CD244: variants seen among roughly 807,000 people sequenced by gnomAD.
The protein encoded by CD244 is natural killer cell receptor 2B4.
In CD244, 20 loss-of-function variants were observed where a neutral mutation model predicts 45.5. The observed-to-expected ratio is 0.44, with a 90% confidence interval of 0.31 to 0.64. The LOEUF (loss-of-function observed/expected upper bound fraction) is 0.64. CD244 is among the 30% of genes least tolerant of loss of function. The pLI is 0.08. For synonymous variants in CD244, 185 were observed against 160.5 expected (o/e 1.15, Z -1.15); for missense variants, 407 against 426.9 (o/e 0.95, Z 0.41).
Position 160,830,771 on chromosome 1 carries a change from G to A in CD244, c.*576C>T, listed in dbSNP as rs1436610760. On this transcript the variant is annotated 3_prime_UTR_variant, in exon 9 of 9. Transcript: ENST00000368034. ...GCCAACTGGCCAGAGGTAAAGGTAT[G>A]AGATGCAGGGAGAAAGTTTTTTCTC... The A allele has an allele frequency of 6.5e-6, 1 of 153,340 alleles. No individual in the cohort carries two copies. 9.5% of individuals were successfully genotyped at this position (153,340 alleles called of 1,614,324 possible).
intron 1 of CD244, among the ~76,000 whole-genome samples, chr1:160,852,132 G>T (rs924591862): frequency 6.6e-6 from 1 of 152,152 alleles, no homozygotes; most frequent in Non-Finnish European, 1.5e-5. Context: ...AAAAGCAACA[G>T]ACTTGGGCAG....
chr1:160,849,811 G>A (rs1025884616), intron 1 of CD244, among the ~76,000 whole-genome samples: 4 of 152,106 alleles, frequency 2.6e-5, no homozygotes, highest in African/African-American at 4.8e-5. Flanking sequence ...TCAGGAGTTC[G>A]AGACCAGCCT....
At chr1:160,857,329 G>A (rs981345758) in intron 1 of CD244, among the ~76,000 whole-genome samples, 9 of 152,116 alleles carry the variant, frequency 5.9e-5, no homozygotes, top group Admixed American at 6.6e-5. Context: ...AGACATGCAT[G>A]CACAAAAGGC....
rs749719290 is a variant in CD244 at position 160,839,002 on chromosome 1, G to A, written c.703C>T (p.Leu235=). 6.2e-7 allele frequency: 1 copy of A among 1,614,074 alleles called. No individual in the cohort carries two copies. The highest frequency in any genetic ancestry group is 1.1e-5 in the South Asian group (1 of 91,066). The change falls in exon 4 of 9, where the codon CTG becomes TTG. Residue 235 remains leucine (L), a synonymous_variant. Coordinates refer to ENST00000368034, the MANE Select transcript of CD244 (RefSeq NM_016382.4). ...FLVIIVILSA[L]FLGTLACFCV... is the part of the protein sequence containing the mutation. Reference sequence around the variant, plus strand: ...AAGCAGGCAAGGGTGCCAAGGAACAGTGCGCTTAGAATCACGATGATCACC... The same window carrying A: ...AAGCAGGCAAGGGTGCCAAGGAACAATGCGCTTAGAATCACGATGATCACC...
At chr1:160,860,176 C>A (rs1447319780) in intron 1 of CD244, among the ~76,000 whole-genome samples, 1 of 151,976 alleles carries the variant, frequency 6.6e-6, no homozygotes. Flanking sequence ...CCACTGTACT[C>A]CAGCCCAGGC....
At chr1:160,831,480 C>T (rs1669113469) in intron 8 of CD244, 53 bp from the exon 9 acceptor site, 1 of 1,270,726 alleles carries the variant, frequency 7.9e-7, no homozygotes, top group Non-Finnish European at 1.1e-6. Flanking sequence ...GTCCTTATCA[C>T]AATCCTGTGA....
chr1:160,830,468 G>A lies in CD244; in HGVS notation c.*879C>T, dbSNP rs902576227. ...TCATTCTCAGCCCTCAGCTGCCTGA[G>A]CCCTCCCTTCAATGTGCATCCTGGG... On this transcript the variant is annotated 3_prime_UTR_variant, in exon 9 of 9. Transcript: ENST00000368034. 8 of 152,338 alleles carry A rather than the reference G, an allele frequency of 5.3e-5. No individual in the cohort carries two copies. Among genetic ancestry groups the A allele is most frequent in the African/African-American group, 1.4e-4 (6 of 41,426 alleles). 9.4% of individuals were successfully genotyped at this position (152,338 alleles called of 1,614,324 possible).
chr1:160,849,905 G>A (rs748245774), intron 1 of CD244, among the ~76,000 whole-genome samples: 15 of 152,030 alleles, frequency 9.9e-5, no homozygotes, highest in Non-Finnish European at 1.8e-4. Flanking sequence ...CCAGCTACTC[G>A]GGAGGCTGAG....
chr1:160,844,300 G>A (rs1387991313), intron 1 of CD244, among the ~76,000 whole-genome samples: 1 of 152,198 alleles, frequency 6.6e-6, no homozygotes, highest in Non-Finnish European at 1.5e-5. Flanking sequence ...ACATAATAGA[G>A]TTGTCAGTCA....
intron 1 of CD244, among the ~76,000 whole-genome samples, chr1:160,856,250 C>T (rs1191234359): frequency 1.3e-5 from 2 of 152,166 alleles, no homozygotes; most frequent in African/African-American, 4.8e-5. Flanking sequence ...TTCTTCCTCT[C>T]TATTTAGCTT....
At chr1:160,833,644 A>C (rs1348105331) in intron 7 of CD244, among the ~76,000 whole-genome samples, 1 of 152,180 alleles carries the variant, frequency 6.6e-6, no homozygotes, top group Non-Finnish European at 1.5e-5. Flanking sequence ...GTGTCTCTCT[A>C]GATCCAGTCT....
At chr1:160,837,586 G>A (rs1227045869) in intron 5 of CD244, among the ~76,000 whole-genome samples, 1 of 152,200 alleles carries the variant, frequency 6.6e-6, no homozygotes, top group East Asian at 1.9e-4. Context: ...CCTGCTCTGC[G>A]AGGCTGCACA....
At chr1:160,852,118 CA>C (rs1275721150) in intron 1 of CD244, among the ~76,000 whole-genome samples, 1 of 151,902 alleles carries the variant, frequency 6.6e-6, no homozygotes, top group Admixed American at 6.6e-5. Context: ...ACAATAATGA[CA>C]AAAAAAGCAA....
chr1:160,836,526 C>G (rs896908778), intron 5 of CD244, among the ~76,000 whole-genome samples: 1 of 152,168 alleles, frequency 6.6e-6, no homozygotes, highest in East Asian at 1.9e-4. Flanking sequence ...ACTTTCTTTC[C>G]TTTAGTAACT....
intron 3 of CD244, among the ~76,000 whole-genome samples, chr1:160,840,768 A>T (rs1050805661): frequency 6.6e-6 from 1 of 152,148 alleles, no homozygotes; most frequent in Non-Finnish European, 1.5e-5. Context: ...CCAAGAACTC[A>T]TCTAGGTATC....
intron 4 of CD244, 151 bp from the exon 5 acceptor site, chr1:160,838,669 A>C (rs974832627): frequency 1.7e-5 from 11 of 664,494 alleles, no homozygotes; most frequent in Non-Finnish European, 2.7e-5. Flanking sequence ...AACCCCAAAG[A>C]GCACAGAGGC....
intron 1 of CD244, among the ~76,000 whole-genome samples, chr1:160,856,087 C>T (rs1340373739): frequency 6.6e-6 from 1 of 152,188 alleles, no homozygotes; most frequent in Non-Finnish European, 1.5e-5. Flanking sequence ...CTTGTGCTAC[C>T]AGGCTTGGGG....
intron 3 of CD244, 179 bp from the exon 4 acceptor site, chr1:160,839,228 AGT>A: frequency 1.8e-6 from 1 of 559,434 alleles, no homozygotes. Context: ...ACCTCCTCTG[AGT>A]GATGCCAAGA....
intron 7 of CD244, 76 bp downstream of exon 7, chr1:160,833,975 C>T: frequency 9.7e-7 from 1 of 1,031,100 alleles, no homozygotes; most frequent in Non-Finnish European, 1.5e-6. Flanking sequence ...TGTGCACACA[C>T]ACTCTCACTG....
Sources: allele counts gnomAD v4.1 joint callset (sites outside exome capture counted in the v4.1 genomes callset), GRCh38; gene constraint gnomAD v4.1.1; transcripts MANE v1.5; gene names NCBI Gene and HGNC (gene_info 2026-07-23, HGNC 2026-07-21).